ZNF134: variants seen among roughly 807,000 people sequenced by gnomAD.
The protein encoded by ZNF134 is zinc finger protein 134 (clone pHZ-15).
ZNF134 carries 5 observed loss-of-function variants against 2.5 expected under a neutral mutation model. The observed-to-expected ratio is 2.03, with a 90% CI of 1.06 to 4.27. The LOEUF is 4.27. ZNF134 is among the 30% of genes most tolerant of loss of function. The probability of loss-of-function intolerance (pLI) is 0.00; values close to 1 mark genes in which losing one functional copy is unlikely to be tolerated. For synonymous variants in ZNF134, 176 were observed against 176.2 expected (o/e 1.00, Z 0.01); for missense variants, 540 against 517.5 (o/e 1.04, Z -0.42).
chr19:57,619,098 G>A (rs1264802062), intron 1 of ZNF134, among the ~76,000 whole-genome samples: 1 of 152,122 alleles, frequency 6.6e-6, no homozygotes, highest in Non-Finnish European at 1.5e-5. Context: ...GGAAGGGTTT[G>A]GAGGTCAGGG....
chr19:57,621,096 G>A lies in ZNF134; in HGVS notation c.977G>A (p.Gly326Asp). The A allele has an allele frequency of 6.2e-7, 1 of 1,614,194 alleles. No individual in the cohort carries two copies. Among genetic ancestry groups the A allele is most frequent in the Middle Eastern group, 1.6e-4 (1 of 6,062 alleles). ...TGCAGTGATTGTGGGAAATCCTTTG[G>A]CCACAAATACACCCTCATTAAACAT... is the stretch of plus-strand genomic sequence containing the variant. ...YDCSDCGKSFGHKYTLIKHQR... is the reference protein window; with the variant it reads ...YDCSDCGKSFDHKYTLIKHQR... The change falls in exon 3 of 3, where the codon GGC becomes GAC. Residue 326 changes from glycine to aspartate, a missense_variant. Transcript: ENST00000396161.
rs10414451 is a variant in ZNF134, at chr19:57,620,208, T to C, written c.89T>C (p.Ile30Thr). The change falls in exon 3 of 3, where the codon ATT becomes ACT. Residue 30 changes from isoleucine (I) to threonine (T), a missense_variant. Coordinates refer to ENST00000396161, the MANE Select transcript of ZNF134 (RefSeq NM_003435.5). The part of the protein sequence containing the change: ...KDEESSSEQS[I>T]SIAVSHVNTS... Reference sequence around the variant, plus strand: ...GAAGAGTCATCTTCTGAACAGAGCATTTCTATAGCAGTGTCACATGTTAAT... The same window carrying C: ...GAAGAGTCATCTTCTGAACAGAGCACTTCTATAGCAGTGTCACATGTTAAT... The C allele has an allele frequency of 0.089, 143,374 of 1,614,136 alleles. 6,663 individuals carry two copies. Among genetic ancestry groups the C allele is most frequent in the East Asian group, 0.1 (4,650 of 44,866 alleles).
Position 57,620,347 on chromosome 19 carries a change from A to T in ZNF134, c.228A>T (p.Lys76Asn), listed in dbSNP as rs373945795. 8 of 1,614,198 alleles carry T rather than the reference A, an allele frequency of 5.0e-6. No individual in the cohort carries two copies. The highest frequency in any genetic ancestry group is 6.8e-6 in the Non-Finnish European group (8 of 1,180,036). The change falls in exon 3 of 3, where the codon AAA becomes AAT. Residue 76 changes from lysine to asparagine, a missense_variant. Physicochemically the swap from Lys to Asn is moderately conservative, Grantham distance 94 (BLOSUM62 0). Transcript: ENST00000396161. ...DEHQGTHHGL[K>N]LHTCGACGRQ... ...ACCAGGGTACACACCATGGACTGAA[A>T]CTTCACACATGTGGGGCATGTGGGA...
chr19:57,624,434 C>T lies in ZNF134; in HGVS notation c.*3031C>T, dbSNP rs894120853. 1.3e-5 allele frequency: 2 copies of T among 151,794 alleles called. No homozygotes were observed. The highest frequency in any genetic ancestry group is 3.9e-4 in the East Asian group (2 of 5,164). 9.4% of individuals were successfully genotyped at this position (151,794 alleles called of 1,614,324 possible). ...TAAAACGGGAACTAGGCAAAGAAAC[C>T]GTGGGATAACAGAAAACCCAAAACA... On this transcript the variant is annotated 3_prime_UTR_variant, in exon 3 of 3. Transcript: ENST00000396161.
In ZNF134 at chr19:57,620,869, C is replaced by A; in HGVS notation, c.750C>A (p.His250Gln). 3 of 1,614,172 alleles carry A rather than the reference C, an allele frequency of 1.9e-6. No individual in the cohort carries two copies. Among genetic ancestry groups the A allele is most frequent in the Non-Finnish European group, 2.5e-6 (3 of 1,180,040 alleles). ...GTCGAAAAGACAACCTTACTCAGCA[C>A]AAGAGAATCCACACTGGAGAAATGC... ...TFSRKDNLTQ[H>Q]KRIHTGEMPY... is the part of the protein sequence containing the mutation. Residue 250 changes from histidine to glutamine, a missense_variant, in exon 3 of 3, where the codon CAC becomes CAA. Physicochemically the swap from His to Gln is conservative, Grantham distance 24 (BLOSUM62 0). Transcript: ENST00000396161.
Position 57,614,244 on chromosome 19 carries a change from G to T in ZNF134, c.-317G>T. On this transcript the variant is annotated 5_prime_UTR_variant, in exon 1 of 3. Transcript: ENST00000396161. The stretch of plus-strand genomic sequence containing the variant: ...GCGGGACTTCCGGTATCTTCCTCGC[G>T]GTGGACATCTTGTCGGCTCTTAGGT... 2 of 418,286 alleles carry T rather than the reference G, an allele frequency of 4.8e-6. No homozygotes were observed. Among genetic ancestry groups the T allele is most frequent in the South Asian group, 3.3e-5 (2 of 60,550 alleles). The allele number at this position is 418,286 out of a possible 1,614,324, so 25.9% of individuals were successfully genotyped here.
chr19:57,620,899 T>C lies in ZNF134; in HGVS notation c.780T>C (p.Tyr260=), dbSNP rs1461995339. 6.2e-7 allele frequency: 1 copy of C among 1,614,194 alleles called. No individual in the cohort carries two copies. The highest frequency in any genetic ancestry group is 2.2e-5 in the East Asian group (1 of 44,876). ...GAATCCACACTGGAGAAATGCCTTA[T>C]AAGTGCAATGAATGTGGGAAATATT... is the stretch of plus-strand genomic sequence containing the variant. ...HKRIHTGEMP[Y]KCNECGKYFS... is the part of the protein sequence containing the mutation. Residue 260 remains tyrosine, a synonymous_variant, in exon 3 of 3, where the codon TAT becomes TAC. Coordinates refer to ENST00000396161, the MANE Select transcript of ZNF134 (RefSeq NM_003435.5).
rs1200550422 is a variant in ZNF134, at chr19:57,619,477, A to G, written c.9A>G (p.Leu3=). 11 of 1,606,148 alleles carry G rather than the reference A, an allele frequency of 6.8e-6. No homozygotes were observed. Among genetic ancestry groups the G allele is most frequent in the Non-Finnish European group, 3.4e-6 (4 of 1,176,606 alleles). The change falls in exon 2 of 3, where the codon CTA becomes CTG. Residue 3 remains leucine, a synonymous_variant. Coordinates refer to ENST00000396161, the MANE Select transcript of ZNF134 (RefSeq NM_003435.5). Reference sequence around the variant, plus strand: ...TGGCTGCCTGAGAGGGCATGACTCTAGTCACAGCAGGAGGGGCTTGGACAG... The same window carrying G: ...TGGCTGCCTGAGAGGGCATGACTCTGGTCACAGCAGGAGGGGCTTGGACAG... MT[L]VTAGGAWTGP... is the part of the protein sequence containing the mutation.
chr19:57,621,515 A>T lies in ZNF134; in HGVS notation c.*112A>T. On this transcript the variant is annotated 3_prime_UTR_variant, in exon 3 of 3. Transcript: ENST00000396161. ...CCAGGTACGTGGGAACCTTCTAGGG[A>T]TATGTTGCACTTTCTGACTTGCTCA... 1 of 1,528,006 alleles carries T rather than the reference A, an allele frequency of 6.5e-7. No individual in the cohort carries two copies. Among genetic ancestry groups the T allele is most frequent in the Non-Finnish European group, 9.0e-7 (1 of 1,115,288 alleles). 94.7% of individuals were successfully genotyped at this position (1,528,006 alleles called of 1,614,324 possible). A position where few individuals can be genotyped will look rare whatever the true frequency, so the allele number is the denominator to read the frequency against.
chr19:57,620,618 G>T lies in ZNF134; in HGVS notation c.499G>T (p.Asp167Tyr), dbSNP rs747458287. ...RKTHRSTESGDAFHGEQMHYK... is the reference protein window; with the variant it reads ...RKTHRSTESGYAFHGEQMHYK... Reference sequence around the variant, plus strand: ...GACACACAGGAGCACTGAGAGTGGGGATGCATTTCATGGTGAACAAATGCA... The same window carrying T: ...GACACACAGGAGCACTGAGAGTGGGTATGCATTTCATGGTGAACAAATGCA... The change falls in exon 3 of 3, where the codon GAT (aspartate) becomes TAT (tyrosine). Residue 167 changes from aspartate (D) to tyrosine (Y), a missense_variant. Transcript: ENST00000396161. 6.8e-6 allele frequency: 11 copies of T among 1,614,096 alleles called. No individual in the cohort carries two copies. The South Asian group carries it at 8.8e-5, about 13-fold the overall frequency.
At chr19:57,615,086 T>G (rs1389389332) in intron 1 of ZNF134, among the ~76,000 whole-genome samples, 2 of 152,006 alleles carry the variant, frequency 1.3e-5, no homozygotes, top group Admixed American at 6.6e-5. Flanking sequence ...TATCCAGGGT[T>G]TTTTTGGCCT....
chr19:57,618,550 A>G (rs535024575), intron 1 of ZNF134, among the ~76,000 whole-genome samples: 6 of 152,190 alleles, frequency 3.9e-5, no homozygotes, highest in African/African-American at 1.4e-4. Context: ...CTGATAGGAG[A>G]AGGGTTGGGT....
At position 57,620,166 on chromosome 19, in the gene ZNF134, G is replaced by A; in HGVS notation, c.47G>A (p.Trp16Ter). ...AGTATTTTTCTGCCTTCAGGTTGTT[G>A]GCATGAAGTGAAGGATGAAGAGTCA... is the stretch of plus-strand genomic sequence containing the variant. ...AGGAWTGPGC[W>*]HEVKDEESSS... The change falls in exon 3 of 3, where the codon TGG becomes TAG. Residue 16 changes from tryptophan (W) to a stop codon, truncating the protein, a stop_gained. Coordinates refer to ENST00000396161, the MANE Select transcript of ZNF134 (RefSeq NM_003435.5). LOFTEE classifies it low-confidence loss of function (END_TRUNC). 1 of 1,610,652 alleles carries A rather than the reference G, an allele frequency of 6.2e-7. No individual in the cohort carries two copies. The highest frequency in any genetic ancestry group is 8.5e-7 in the Non-Finnish European group (1 of 1,177,568).
At position 57,619,457 on chromosome 19, in the gene ZNF134, G is replaced by T; in HGVS notation, c.-12G>T. ...TGTAACAAGAGAGAGAACTCTGGCT[G>T]CCTGAGAGGGCATGACTCTAGTCAC... is the stretch of plus-strand genomic sequence containing the variant. On this transcript the variant is annotated 5_prime_UTR_variant, in exon 2 of 3. Transcript: ENST00000396161. 1.2e-6 allele frequency: 2 copies of T among 1,602,680 alleles called. No homozygotes were observed. Among genetic ancestry groups the T allele is most frequent in the South Asian group, 2.3e-5 (2 of 88,462 alleles).
chr19:57,620,072 T>C, intron 2 of ZNF134, 88 bp from the exon 3 acceptor site: 1 of 1,485,434 alleles, frequency 6.7e-7, no homozygotes, highest in Non-Finnish European at 9.2e-7. Context: ...AGGTACTCAG[T>C]CCTGGGTACA....
intron 2 of ZNF134, 185 bp downstream of exon 2, chr19:57,619,693 C>A: frequency 1.5e-6 from 1 of 667,002 alleles, no homozygotes; most frequent in Non-Finnish European, 2.5e-6. Flanking sequence ...TTCTCCCATT[C>A]TCTACCAGAG....
At position 57,620,064 on chromosome 19, in the gene ZNF134, G is replaced by A. The variant is rs772902574; in HGVS notation, c.41-96G>A. The A allele has an allele frequency of 1.2e-4, 165 of 1,406,160 alleles. 1 individual carries two copies. Among genetic ancestry groups the A allele is most frequent in the Non-Finnish European group, 1.6e-4 (163 of 1,032,090 alleles). 87.1% of individuals were successfully genotyped at this position (1,406,160 alleles called of 1,614,324 possible). A position where few individuals can be genotyped will look rare whatever the true frequency, so the allele number is the denominator to read the frequency against. ...AGCTCTGTTCCACCAGGAAACTTAG[G>A]TACTCAGTCCTGGGTACAGCAGACA... On this transcript the variant is annotated intron_variant, in intron 2 of 2. Coordinates refer to ENST00000396161, the MANE Select transcript of ZNF134 (RefSeq NM_003435.5).
In ZNF134 at chr19:57,621,665, A is replaced by T. The variant is rs905482094; in HGVS notation, c.*262A>T. 3.0e-5 allele frequency: 19 copies of T among 627,684 alleles called. No individual in the cohort carries two copies. The Admixed American group carries it at 4.3e-4, about 14-fold the overall frequency. The allele number at this position is 627,684 out of a possible 1,614,324, so 38.9% of individuals were successfully genotyped here. ...TATTGTCCAGTCCCTGGAGAAAATC[A>T]TGAAATGCCTGAGTTCATTGGGGGT... On this transcript the variant is annotated 3_prime_UTR_variant, in exon 3 of 3. Transcript: ENST00000396161.
In ZNF134 at chr19:57,623,413, T is replaced by C. The variant is rs1981289207; in HGVS notation, c.*2010T>C. 1 of 152,048 alleles carries C rather than the reference T, an allele frequency of 6.6e-6. No individual in the cohort carries two copies. Among genetic ancestry groups the C allele is most frequent in the Admixed American group, 6.5e-5 (1 of 15,268 alleles). 9.4% of individuals were successfully genotyped at this position (152,048 alleles called of 1,614,324 possible). The stretch of plus-strand genomic sequence containing the variant: ...AGCTGAGAACATTTTTAAGCAGAGG[T>C]TTTGAAGGTGTGACCATATATCTTA... On this transcript the variant is annotated 3_prime_UTR_variant, in exon 3 of 3. Transcript: ENST00000396161.
Sources: gnomAD v4.1 joint callset for allele counts (sites outside exome capture counted in the v4.1 genomes callset) on GRCh38, gnomAD v4.1.1 for gene constraint, MANE v1.5 for transcripts, NCBI Gene and HGNC (gene_info 2026-07-23, HGNC 2026-07-21) for gene names.